Variants in GORASP1 observed in about 807,000 individuals in gnomAD.
GORASP1 encodes Golgi reassembly-stacking protein 1.
A neutral mutation model predicts 37.7 loss-of-function variants in GORASP1; 31 were observed. The ratio of observed to expected loss-of-function variants is 0.82; its 90% CI spans 0.62 to 1.11. The LOEUF (loss-of-function observed/expected upper bound fraction) is 1.11, where lower values mean the gene tolerates loss of function less well. GORASP1 is among the 50% of genes least tolerant of loss of function. The pLI is 0.00. For missense variants in GORASP1, 476 were observed against 560.7 expected (o/e 0.85, Z 1.53); for synonymous variants, 204 against 224.8 (o/e 0.91, Z 0.83).
chr3:39,100,358 G>GGGT lies in GORASP1; in HGVS notation c.709_711dup (p.Thr237dup), dbSNP rs781586175. The GGGT allele has an allele frequency of 6.2e-7, 1 of 1,614,168 alleles. No homozygotes were observed. The highest frequency in any genetic ancestry group is 1.1e-5 in the South Asian group (1 of 91,080). On this transcript the variant is annotated inframe_insertion, in exon 6 of 9. Transcript: ENST00000319283. This position sits in a 1 kb window ranked among gnomAD's most constrained non-coding sequence, Gnocchi z 4.6. ...GTCTCCAGGGAAGGAGAGTCCTCGGGGGTGGGTCCAGGTGGTAGAGCATCA... is the reference window on the plus strand; with the variant it reads ...GTCTCCAGGGAAGGAGAGTCCTCGGGGGTGGTGGGTCCAGGTGGTAGAGCATCA...
Position 39,102,511 on chromosome 3 carries a change from TG to T in GORASP1, c.348+166del. Reference sequence around the variant, plus strand: ...TCAGGTAGTAATGAGCTGCCCTCTCTGGGACACTGGAATGAGACCACATCCT... The same window carrying T: ...TCAGGTAGTAATGAGCTGCCCTCTCTGGACACTGGAATGAGACCACATCCT... On this transcript the variant is annotated intron_variant, in intron 3 of 8. Transcript: ENST00000319283. The surrounding 1 kb of genome is among the most constrained non-coding windows in gnomAD (Gnocchi z 5.0). 1.5e-6 allele frequency: 1 copy of T among 683,026 alleles called. No homozygotes were observed. Among genetic ancestry groups the T allele is most frequent in the Non-Finnish European group, 2.6e-6 (1 of 387,544 alleles). 42.3% of individuals were successfully genotyped at this position (683,026 alleles called of 1,614,324 possible).
chr3:39,098,059 G>A lies in GORASP1; in HGVS notation c.*177C>T. 1 of 699,224 alleles carries A rather than the reference G, an allele frequency of 1.4e-6. No individual in the cohort carries two copies. Among genetic ancestry groups the A allele is most frequent in the Non-Finnish European group, 2.4e-6 (1 of 424,830 alleles). 43.3% of individuals were successfully genotyped at this position (699,224 alleles called of 1,614,324 possible). On this transcript the variant is annotated 3_prime_UTR_variant, in exon 9 of 9. Coordinates refer to ENST00000319283, the MANE Select transcript of GORASP1 (RefSeq NM_031899.4). The surrounding 1 kb of genome is among the most constrained non-coding windows in gnomAD (Gnocchi z 4.7). ...GAGCAGGACCAAGCACTGGACCTGA[G>A]GGTACACGGCCAAAAGATATCCTCC...
chr3:39,099,290 A>G, intron 7 of GORASP1, 63 bp downstream of exon 7: 1 of 1,591,202 alleles, frequency 6.3e-7, no homozygotes. Context: ...GAAAGTTTTG[A>G]CATAGCTGCC....
rs564510000 is a variant in GORASP1, at chr3:39,100,944, C to T, written c.436-67G>A. 1.3e-5 allele frequency: 21 copies of T among 1,613,784 alleles called. No individual in the cohort carries two copies. Among genetic ancestry groups the T allele is most frequent in the Middle Eastern group, 1.7e-4 (1 of 6,060 alleles). ...AAAGCCTCAACAAAACCAGACACTT[C>T]TCATGGACAGCACCCTTCTCTTCAC... On this transcript the variant is annotated intron_variant, in intron 4 of 8. Transcript: ENST00000319283. This position sits in a 1 kb window ranked among gnomAD's most constrained non-coding sequence, Gnocchi z 4.6.
At chr3:39,101,197 G>A in intron 3 of GORASP1, 95 bp from the exon 4 acceptor site, 4 of 1,054,128 alleles carry the variant, frequency 3.8e-6, no homozygotes, top group Non-Finnish European at 4.4e-6. Flanking sequence ...GGTAGTGAGT[G>A]GGACACTTGT....
At position 39,099,515 on chromosome 3, in the gene GORASP1, G is replaced by A. The variant is rs1338139234; in HGVS notation, c.766-12C>T. ...GCCTGCAGCAGGGCCTAGGAAAGAAGAAGAAATGGGTAGGGGACAATCAGG... is the reference window on the plus strand; with the variant it reads ...GCCTGCAGCAGGGCCTAGGAAAGAAAAAGAAATGGGTAGGGGACAATCAGG... On this transcript the variant is annotated splice_polypyrimidine_tract_variant and intron_variant, in intron 6 of 8. Coordinates refer to ENST00000319283, the MANE Select transcript of GORASP1 (RefSeq NM_031899.4). The A allele has an allele frequency of 6.2e-7, 1 of 1,606,160 alleles. No homozygotes were observed. Among genetic ancestry groups the A allele is most frequent in the Non-Finnish European group, 8.5e-7 (1 of 1,176,922 alleles).
Position 39,098,671 on chromosome 3 carries a change from GAATTGAGGGCAGCCTTCCCAA to G in GORASP1, c.1069+49_1069+69del. On this transcript the variant is annotated intron_variant, in intron 8 of 8. Transcript: ENST00000319283. The surrounding 1 kb of genome is among the most constrained non-coding windows in gnomAD (Gnocchi z 4.7). ...GATGGCCCACTTCTGCCCAGCTGAG[GAATTGAGGGCAGCCTTCCCAA>G]CAACCCGGGGTCCTTCCCAGAGGAC... 6.4e-7 allele frequency: 1 copy of G among 1,570,092 alleles called. No homozygotes were observed. Among genetic ancestry groups the G allele is most frequent in the East Asian group, 2.2e-5 (1 of 44,596 alleles).
At position 39,098,948 on chromosome 3, in the gene GORASP1, C is replaced by T. The variant is rs1234419590; in HGVS notation, c.917-55G>A. The T allele has an allele frequency of 3.1e-6, 5 of 1,604,174 alleles. No individual in the cohort carries two copies. The highest frequency in any genetic ancestry group is 3.4e-6 in the Non-Finnish European group (4 of 1,175,138). ...GCAAGAAACCCTGACTGCTGGAAAG[C>T]AGCACCCTGGGCTCACCTTGCCTAG... On this transcript the variant is annotated intron_variant, in intron 7 of 8. Coordinates refer to ENST00000319283, the MANE Select transcript of GORASP1 (RefSeq NM_031899.4). This position sits in a 1 kb window ranked among gnomAD's most constrained non-coding sequence, Gnocchi z 4.7.
Position 39,102,975 on chromosome 3 carries a change from T to C in GORASP1, c.145-94A>G. On this transcript the variant is annotated intron_variant, in intron 2 of 8. Transcript: ENST00000319283. The surrounding 1 kb of genome is among the most constrained non-coding windows in gnomAD (Gnocchi z 5.0). ...GCCTGAGATGGGGCAAGGGCCTTAG[T>C]GGGCAGCAGCCCTCAGCAGGGTCAC... The C allele has an allele frequency of 8.5e-7, 1 of 1,179,454 alleles. No homozygotes were observed. The highest frequency in any genetic ancestry group is 1.3e-6 in the Non-Finnish European group (1 of 787,246). 73.1% of individuals were successfully genotyped at this position (1,179,454 alleles called of 1,614,324 possible). A position where few individuals can be genotyped will look rare whatever the true frequency, so the allele number is the denominator to read the frequency against.
intron 3 of GORASP1, among the ~76,000 whole-genome samples, chr3:39,101,874 C>T (rs2035742012): frequency 6.6e-6 from 1 of 152,196 alleles, no homozygotes; most frequent in South Asian, 2.1e-4. Flanking sequence ...AACTTAGATA[C>T]CATCAATGGG....
In GORASP1 at chr3:39,098,428, T is replaced by C; in HGVS notation, c.1131A>G (p.Gln377=). Residue 377 remains glutamine, a synonymous_variant, in exon 9 of 9, where the codon CAA becomes CAG. Transcript: ENST00000319283. This position sits in a 1 kb window ranked among gnomAD's most constrained non-coding sequence, Gnocchi z 4.7. ...GCTGAGGCAGGTGGTCCGCCTGGGCTTGGGCACCTGGGCTGTCCAGGAAGG... is the reference window on the plus strand; with the variant it reads ...GCTGAGGCAGGTGGTCCGCCTGGGCCTGGGCACCTGGGCTGTCCAGGAAGG... The part of the protein sequence containing the change: ...EVSFLDSPGA[Q]AQADHLPQLT... 6.2e-7 allele frequency: 1 copy of C among 1,614,148 alleles called. No individual in the cohort carries two copies. Among genetic ancestry groups the C allele is most frequent in the South Asian group, 1.1e-5 (1 of 91,078 alleles).
chr3:39,099,764 C>T (rs1358878632), intron 6 of GORASP1, among the ~76,000 whole-genome samples: 1 of 152,206 alleles, frequency 6.6e-6, no homozygotes, highest in Non-Finnish European at 1.5e-5. Context: ...CAGGTGCCCA[C>T]CTGGCCCCAA....
At chr3:39,107,344 G>T in intron 1 of GORASP1, 135 bp downstream of exon 1, 2 of 524,534 alleles carry the variant, frequency 3.8e-6, no homozygotes, top group Non-Finnish European at 5.9e-6. Context: ...CCGGGCAGGG[G>T]GCACCTCCCG....
At chr3:39,101,986 G>GA (rs1003311313) in intron 3 of GORASP1, among the ~76,000 whole-genome samples, 5 of 152,068 alleles carry the variant, frequency 3.3e-5, no homozygotes, top group Non-Finnish European at 5.9e-5. Context: ...GAATATACCA[G>GA]AAAAAACAGT....
rs565740314 is a variant in GORASP1 at position 39,102,071 on chromosome 3, C to T, written c.348+607G>A. Among the ~76,000 whole-genome samples, 2 of 110,246 alleles carry T rather than the reference C, an allele frequency of 1.8e-5. No homozygotes were observed. The highest frequency in any genetic ancestry group is 3.3e-5 in the Non-Finnish European group (2 of 61,028). 72.3% of individuals were successfully genotyped at this position (110,246 alleles called of 152,430 possible). A position where few individuals can be genotyped will look rare whatever the true frequency, so the allele number is the denominator to read the frequency against. On this transcript the variant is annotated intron_variant, in intron 3 of 8. Transcript: ENST00000319283. This position sits in a 1 kb window ranked among gnomAD's most constrained non-coding sequence, Gnocchi z 5.0. ...ATTGTTAGTTGACTTCATTGTTGTG[C>T]AAACATCATAGAACTTAACCTACAC...
Position 39,102,929 on chromosome 3 carries a change from A to G in GORASP1, c.145-48T>C. 7 of 1,562,442 alleles carry G rather than the reference A, an allele frequency of 4.5e-6. No individual in the cohort carries two copies. The highest frequency in any genetic ancestry group is 6.2e-6 in the Non-Finnish European group (7 of 1,132,864). On this transcript the variant is annotated intron_variant, in intron 2 of 8. Coordinates refer to ENST00000319283, the MANE Select transcript of GORASP1 (RefSeq NM_031899.4). This position sits in a 1 kb window ranked among gnomAD's most constrained non-coding sequence, Gnocchi z 5.0. ...TCCAAGGCCACCTCATGCCCAGGCT[A>G]GGACCCTCAGACAAGTCTGGGCCTG...
chr3:39,107,292 G>A (rs1013472487), intron 1 of GORASP1, 187 bp downstream of exon 1: 26 of 459,526 alleles, frequency 5.7e-5, no homozygotes, highest in Non-Finnish European at 8.5e-5. Flanking sequence ...ACTAGCCAGG[G>A]TCCGGGAGTC....
chr3:39,107,104 A>G (rs1298213435), intron 1 of GORASP1: 1 of 476,460 alleles, frequency 2.1e-6, no homozygotes, highest in African/African-American at 2.0e-5. Context: ...CCCAGCACGG[A>G]GAGCGGCCCG....
rs916543450 is a variant in GORASP1 at position 39,097,742 on chromosome 3, G to C, written c.*494C>G. 1 of 154,130 alleles carries C rather than the reference G, an allele frequency of 6.5e-6. No homozygotes were observed. The highest frequency in any genetic ancestry group is 1.4e-5 in the Non-Finnish European group (1 of 69,546). 9.5% of individuals were successfully genotyped at this position (154,130 alleles called of 1,614,324 possible). On this transcript the variant is annotated 3_prime_UTR_variant, in exon 9 of 9. Transcript: ENST00000319283. ...ACCTCCCTCCAGGAGATGGGGGCAA[G>C]TACACTGCCTCTCTCTCCCTCCTGT... is the stretch of plus-strand genomic sequence containing the variant.
Sources: allele counts gnomAD v4.1 joint callset (sites outside exome capture counted in the v4.1 genomes callset), GRCh38; gene constraint gnomAD v4.1.1; non-coding constraint Gnocchi (gnomAD v3.1); transcripts MANE v1.5; gene names NCBI Gene and HGNC (gene_info 2026-07-23, HGNC 2026-07-21).